PPP3CA: variants seen among roughly 807,000 people sequenced by gnomAD.
PPP3CA encodes the protein CAM-PRP catalytic subunit.
In PPP3CA, 14 loss-of-function variants were observed where a neutral mutation model predicts 66.5. That is an observed-to-expected ratio of 0.21 (90% CI 0.14 to 0.33). PPP3CA has a LOEUF of 0.33. Ranked by LOEUF, PPP3CA falls within the 10% of genes least tolerant of loss-of-function variation. The pLI, the probability that PPP3CA is intolerant of heterozygous loss-of-function variation, is 1.00. For missense variants in PPP3CA, 317 were observed against 639.5 expected, an observed-to-expected ratio of 0.50 and a Z score of 5.44; for synonymous variants, 232 against 226.2, an observed-to-expected ratio of 1.03 and a Z score of -0.23.
intron 1 of PPP3CA, among the ~76,000 whole-genome samples, chr4:101,306,917 A>G (rs1227453364): frequency 1.3e-5 from 2 of 152,122 alleles, no homozygotes; most frequent in Non-Finnish European, 2.9e-5. Flanking sequence ...CAGTGAGTCC[A>G]CGGGAGGATG....
chr4:101,138,884 TATA>T (rs1722707214), intron 2 of PPP3CA, among the ~76,000 whole-genome samples: 1 of 152,228 alleles, frequency 6.6e-6, no homozygotes, highest in Non-Finnish European at 1.5e-5. Flanking sequence ...TTAATAATTT[TATA>T]ATATGACAAA....
intron 3 of PPP3CA, 129 bp downstream of exon 3, chr4:101,108,825 C>T (rs1282345600): frequency 3.2e-6 from 3 of 924,472 alleles, no homozygotes; most frequent in South Asian, 1.8e-5. Context: ...TATGTAATAT[C>T]CTATGAATTA....
chr4:101,344,374 T>C (rs148747283), intron 1 of PPP3CA, among the ~76,000 whole-genome samples: 154 of 152,336 alleles, frequency 1.0e-3, no homozygotes, highest in African/African-American at 3.6e-3. Context: ...TCCAACCTTG[T>C]ATAATGCCTT....
In PPP3CA at chr4:101,108,453, T is replaced by C. The variant is rs566178357; in HGVS notation, c.384+501A>G. Among the ~76,000 whole-genome samples, 69 of 152,328 alleles carry C rather than the reference T, an allele frequency of 4.5e-4. 1 individual carries two copies. The South Asian group carries it at 0.013, about 28-fold the overall frequency. ...GCAAAATCTTACTATTTACCATTTT[T>C]TGGCATCTCTATTAAAAAATATGGG... On this transcript the variant is annotated intron_variant, in intron 3 of 13. Transcript: ENST00000394854.
intron 2 of PPP3CA, among the ~76,000 whole-genome samples, chr4:101,186,071 G>A (rs891820743): frequency 2.6e-5 from 4 of 152,036 alleles, no homozygotes; most frequent in South Asian, 2.1e-4. Context: ...TTGTTTTGAC[G>A]CATGATCCTT....
intron 2 of PPP3CA, among the ~76,000 whole-genome samples, chr4:101,185,233 T>C (rs532185395): frequency 6.6e-6 from 1 of 152,216 alleles, no homozygotes; most frequent in South Asian, 2.1e-4. Context: ...TTATGTGTTA[T>C]ACAATAAATA....
intron 1 of PPP3CA, among the ~76,000 whole-genome samples, chr4:101,208,532 T>C (rs527844616): frequency 3.3e-5 from 5 of 152,324 alleles, no homozygotes; most frequent in East Asian, 3.9e-4. Context: ...TATTTCACGA[T>C]AGTCCTAAGG....
At chr4:101,043,540 C>G (rs1727623665) in intron 10 of PPP3CA, among the ~76,000 whole-genome samples, 1 of 150,780 alleles carries the variant, frequency 6.6e-6, no homozygotes, top group Non-Finnish European at 1.5e-5. Context: ...ACAACACACT[C>G]TAGCACTTTT....
chr4:101,055,067 AT>A (rs1728169805), intron 10 of PPP3CA, among the ~76,000 whole-genome samples: 1 of 152,068 alleles, frequency 6.6e-6, no homozygotes, highest in African/African-American at 2.4e-5. Flanking sequence ...CTCAAACATA[AT>A]TTGTATTATT....
chr4:101,139,702 T>G (rs1722741546), intron 2 of PPP3CA, among the ~76,000 whole-genome samples: 1 of 137,666 alleles, frequency 7.3e-6, no homozygotes, highest in Non-Finnish European at 1.7e-5. Context: ...TTGTGTTTTT[T>G]TTTTTTTTTT....
intron 2 of PPP3CA, among the ~76,000 whole-genome samples, chr4:101,146,435 G>C (rs1722970890): frequency 6.6e-6 from 1 of 151,892 alleles, no homozygotes; most frequent in Non-Finnish European, 1.5e-5. Context: ...ACCAGTACTA[G>C]AGAAAGAACC....
chr4:101,073,437 T>C lies in PPP3CA; in HGVS notation c.955+7095A>G, dbSNP rs187798676. Among the ~76,000 whole-genome samples the C allele has an allele frequency of 7.2e-3, 1,098 of 152,112 alleles. 13 individuals are homozygous for C. The highest frequency in any genetic ancestry group is 0.025 in the African/African-American group (1,050 of 41,504). ...GACTACAGGTGCGGGCCACCACACC[T>C]GGCTAATTTTTGTATGTTTAGTACA... On this transcript the variant is annotated intron_variant, in intron 8 of 13. Transcript: ENST00000394854.
intron 11 of PPP3CA, among the ~76,000 whole-genome samples, chr4:101,032,911 A>AAAT (rs1436451772): frequency 1.3e-5 from 2 of 152,214 alleles, no homozygotes; most frequent in African/African-American, 4.8e-5. Flanking sequence ...AAAACACATA[A>AAAT]AATAATGGCA....
intron 1 of PPP3CA, among the ~76,000 whole-genome samples, chr4:101,295,307 CAAAAAAA>C (rs527366396): frequency 4.8e-5 from 2 of 42,054 alleles, no homozygotes; most frequent in Non-Finnish European, 1.0e-4. Context: ...GACTCCGTCT[CAAAAAAA>C]AAAAAAAAAA....
chr4:101,212,280 T>C (rs904856512), intron 1 of PPP3CA, among the ~76,000 whole-genome samples: 7 of 152,130 alleles, frequency 4.6e-5, no homozygotes, highest in South Asian at 2.1e-4. Context: ...CTGACAAAGA[T>C]AGCCTCAACA....
At chr4:101,317,120 C>T (rs1167398834) in intron 1 of PPP3CA, among the ~76,000 whole-genome samples, 1 of 152,002 alleles carries the variant, frequency 6.6e-6, no homozygotes, top group African/African-American at 2.4e-5. Context: ...CGGCTTCCCA[C>T]ATCATTTTCC....
intron 2 of PPP3CA, among the ~76,000 whole-genome samples, chr4:101,181,820 G>A (rs140538782): frequency 2.6e-5 from 4 of 152,118 alleles, no homozygotes; most frequent in Non-Finnish European, 5.9e-5. Context: ...TTACATATAG[G>A]GTGAGACAGG....
At chr4:101,303,459 T>C (rs1390283108) in intron 1 of PPP3CA, among the ~76,000 whole-genome samples, 1 of 152,182 alleles carries the variant, frequency 6.6e-6, no homozygotes, top group Non-Finnish European at 1.5e-5. Context: ...TCTACAACTT[T>C]CTTTGCTCAC....
At chr4:101,118,425 T>C (rs191587844) in intron 2 of PPP3CA, among the ~76,000 whole-genome samples, 28 of 152,188 alleles carry the variant, frequency 1.8e-4, no homozygotes, top group African/African-American at 6.7e-4. Flanking sequence ...AATTAAATAA[T>C]TGAACATCAT....
Sources: gnomAD v4.1 joint callset for allele counts (sites outside exome capture counted in the v4.1 genomes callset) on GRCh38, gnomAD v4.1.1 for gene constraint, MANE v1.5 for transcripts, NCBI Gene and HGNC (gene_info 2026-07-23, HGNC 2026-07-21) for gene names.